Variants in FAM162A observed in about 807,000 individuals in gnomAD.
FAM162A encodes the protein family with sequence similarity 162 member A.
In FAM162A, 23 loss-of-function variants were observed where a neutral mutation model predicts 21.8. That is an observed-to-expected ratio of 1.05 (90% CI 0.76 to 1.49). The LOEUF (loss-of-function observed/expected upper bound fraction) is 1.49, where lower values mean the gene tolerates loss of function less well. FAM162A is among the 40% of genes most tolerant of loss of function. FAM162A has a pLI of 0.00. For missense variants in FAM162A, 165 were observed against 186.4 expected (o/e 0.89, Z 0.67); for synonymous variants, 53 against 61.3 (o/e 0.86, Z 0.64).
chr3:122,404,217 A>C, intron 2 of FAM162A, 41 bp from the exon 3 acceptor site: 1 of 982,118 alleles, frequency 1.0e-6, no homozygotes. Context: ...GAGAGTTATA[A>C]TCTCAAACAC....
intron 4 of FAM162A, among the ~76,000 whole-genome samples, chr3:122,408,441 C>T (rs190288556): frequency 3.3e-4 from 51 of 152,338 alleles, no homozygotes; most frequent in African/African-American, 9.4e-4. Flanking sequence ...CTTCTATACA[C>T]GCACTCTTAA....
At chr3:122,392,070 A>T (rs2075606526) in intron 1 of FAM162A, among the ~76,000 whole-genome samples, 1 of 152,204 alleles carries the variant, frequency 6.6e-6, no homozygotes, top group Non-Finnish European at 1.5e-5. Flanking sequence ...ACTCCAACAT[A>T]CATCGATGTC....
intron 1 of FAM162A, among the ~76,000 whole-genome samples, chr3:122,400,602 A>AAGG (rs1464726299): frequency 6.6e-6 from 1 of 152,190 alleles, no homozygotes; most frequent in Admixed American, 6.5e-5. Flanking sequence ...AGGCAGGCGG[A>AAGG]TCACCTAAGG....
At position 122,409,839 on chromosome 3, in the gene FAM162A, A is replaced by G; in HGVS notation, c.*8A>G. 6.2e-7 allele frequency: 1 copy of G among 1,611,958 alleles called. No individual in the cohort carries two copies. Among genetic ancestry groups the G allele is most frequent in the Non-Finnish European group, 8.5e-7 (1 of 1,178,028 alleles). On this transcript the variant is annotated 3_prime_UTR_variant, in exon 5 of 5. Transcript: ENST00000477892. The stretch of plus-strand genomic sequence containing the variant: ...AAGGCCAAAACAGAGTAGCAGAGGT[A>G]TCCGTGTTGGCTGGATTTTGAAAAT...
In FAM162A at chr3:122,404,345, A is replaced by T; in HGVS notation, c.245A>T (p.Glu82Val). The stretch of plus-strand genomic sequence containing the variant: ...TCAGGTCGCTTCAAAAAGGAAGATG[A>T]AATCCCAGAGACTGTCTCGTGAGTG... ...IWSGRFKKED[E>V]IPETVSLEML... The change falls in exon 3 of 5, where the codon GAA (glutamate) becomes GTA (valine). Residue 82 changes from glutamate (E) to valine (V), a missense_variant. Transcript: ENST00000477892. 1 of 1,596,926 alleles carries T rather than the reference A, an allele frequency of 6.3e-7. No individual in the cohort carries two copies. Among genetic ancestry groups the T allele is most frequent in the African/African-American group, 1.3e-5 (1 of 74,270 alleles).
At chr3:122,405,777 C>A (rs1317108586) in intron 3 of FAM162A, among the ~76,000 whole-genome samples, 1 of 152,216 alleles carries the variant, frequency 6.6e-6, no homozygotes, top group Non-Finnish European at 1.5e-5. Flanking sequence ...TCCTATTACT[C>A]CCTATGGAAT....
At chr3:122,388,435 G>A (rs1215634906) in intron 1 of FAM162A, among the ~76,000 whole-genome samples, 1 of 152,216 alleles carries the variant, frequency 6.6e-6, no homozygotes, top group African/African-American at 2.4e-5. Context: ...GGCAAAGGAA[G>A]AGTAAAGTTA....
chr3:122,402,495 G>A (rs1253264344), intron 1 of FAM162A, among the ~76,000 whole-genome samples: 1 of 152,088 alleles, frequency 6.6e-6, no homozygotes, highest in South Asian at 2.1e-4. Context: ...TAAGACACAT[G>A]TGGGAAGTAC....
intron 4 of FAM162A, among the ~76,000 whole-genome samples, chr3:122,408,750 C>T (rs371980390): frequency 1.3e-5 from 2 of 152,248 alleles, no homozygotes; most frequent in East Asian, 1.9e-4. Flanking sequence ...TTTGTATACT[C>T]GATTGTACTA....
At chr3:122,408,440 A>C (rs1262788274) in intron 4 of FAM162A, among the ~76,000 whole-genome samples, 2 of 152,232 alleles carry the variant, frequency 1.3e-5, no homozygotes, top group Admixed American at 1.3e-4. Context: ...CCTTCTATAC[A>C]CGCACTCTTA....
At chr3:122,392,818 T>C (rs150605833) in intron 1 of FAM162A, among the ~76,000 whole-genome samples, 116 of 152,366 alleles carry the variant, frequency 7.6e-4, no homozygotes, top group Non-Finnish European at 1.5e-3. Flanking sequence ...TAATTAACTT[T>C]GTCAGAAATC....
intron 4 of FAM162A, among the ~76,000 whole-genome samples, chr3:122,408,417 A>G (rs1368517728): frequency 6.6e-6 from 1 of 152,240 alleles, no homozygotes; most frequent in African/African-American, 2.4e-5. Flanking sequence ...CTACTTTAAG[A>G]TACTAAAAAG....
rs943604516 is a variant in FAM162A, at chr3:122,411,747, G to T, written c.*1916G>T. On this transcript the variant is annotated 3_prime_UTR_variant, in exon 5 of 5. Transcript: ENST00000477892. ...TTTTGTATTTTTCATAAAGACGGGG[G>T]TTTCACCATGTTGGCCAGGCTGGTC... 6 of 151,984 alleles carry T rather than the reference G, an allele frequency of 3.9e-5. No homozygotes were observed. Among genetic ancestry groups the T allele is most frequent in the Non-Finnish European group, 5.9e-5 (4 of 68,020 alleles). 9.4% of individuals were successfully genotyped at this position (151,984 alleles called of 1,614,324 possible).
At chr3:122,403,944 A>G (rs903859497) in intron 2 of FAM162A, among the ~76,000 whole-genome samples, 3 of 152,240 alleles carry the variant, frequency 2.0e-5, no homozygotes, top group Admixed American at 1.3e-4. Flanking sequence ...CAAAATGTAC[A>G]GTAGTTCCCA....
intron 1 of FAM162A, among the ~76,000 whole-genome samples, chr3:122,398,413 A>G (rs565371956): frequency 6.6e-6 from 1 of 152,366 alleles, no homozygotes; most frequent in Admixed American, 6.5e-5. Context: ...GCATATGCCT[A>G]TTGATGTGGC....
At chr3:122,387,806 A>G (rs2075581609) in intron 1 of FAM162A, among the ~76,000 whole-genome samples, 1 of 152,142 alleles carries the variant, frequency 6.6e-6, no homozygotes, top group Admixed American at 6.5e-5. Flanking sequence ...AAACATATAT[A>G]ATATACCATT....
rs1270194840 is a variant in FAM162A, at chr3:122,411,190, G to C, written c.*1359G>C. ...ATAAGAGAGATTAAAAATACATGCAGCTGTTTGGGCACTTTCTTCCCAAAT... is the reference window on the plus strand; with the variant it reads ...ATAAGAGAGATTAAAAATACATGCACCTGTTTGGGCACTTTCTTCCCAAAT... On this transcript the variant is annotated 3_prime_UTR_variant, in exon 5 of 5. Transcript: ENST00000477892. The C allele has an allele frequency of 6.6e-6, 1 of 152,142 alleles. No individual in the cohort carries two copies. The highest frequency in any genetic ancestry group is 1.5e-5 in the Non-Finnish European group (1 of 68,036). 9.4% of individuals were successfully genotyped at this position (152,142 alleles called of 1,614,324 possible).
In FAM162A at chr3:122,409,991, C is replaced by G. The variant is rs1349910880; in HGVS notation, c.*160C>G. ...TGCTGTAGAAGTAGAAATAAATTTT[C>G]TTAAATAATGACTGTGTTTTATTGT... On this transcript the variant is annotated 3_prime_UTR_variant, in exon 5 of 5. Transcript: ENST00000477892. 5 of 711,378 alleles carry G rather than the reference C, an allele frequency of 7.0e-6. No homozygotes were observed. Among genetic ancestry groups the G allele is most frequent in the Non-Finnish European group, 1.0e-5 (4 of 396,272 alleles). The allele number at this position is 711,378 out of a possible 1,614,324, so 44.1% of individuals were successfully genotyped here. A position where few individuals can be genotyped will look rare whatever the true frequency, so the allele number is the denominator to read the frequency against.
At chr3:122,387,139 T>C (rs1175193170) in intron 1 of FAM162A, among the ~76,000 whole-genome samples, 1 of 152,222 alleles carries the variant, frequency 6.6e-6, no homozygotes, top group Non-Finnish European at 1.5e-5. Context: ...TCTTGGAACA[T>C]GCTGCAAATG....
Sources: allele counts gnomAD v4.1 joint callset (sites outside exome capture counted in the v4.1 genomes callset), GRCh38; gene constraint gnomAD v4.1.1; transcripts MANE v1.5; gene names NCBI Gene and HGNC (gene_info 2026-07-23, HGNC 2026-07-21).